CLASP1: variants seen among roughly 807,000 people sequenced by gnomAD.
CLASP1 encodes the protein CLIP-associating protein 1.
Under a neutral mutation model 192.3 loss-of-function variants are expected in CLASP1, and 38 were observed. That is an observed-to-expected ratio of 0.20 (90% CI 0.15 to 0.26). The LOEUF is 0.26. Among genes scored for constraint, CLASP1 ranks in the 10% least tolerant of loss-of-function variants. The pLI is 1.00. For synonymous variants in CLASP1, 691 were observed against 712.8 expected, an observed-to-expected ratio of 0.97 and a Z score of 0.49; for missense variants, 1,433 against 1,932.5, an observed-to-expected ratio of 0.74 and a Z score of 4.85.
intron 26 of CLASP1, among the ~76,000 whole-genome samples, chr2:121,402,877 CTG>C (rs1317789137): frequency 2.6e-5 from 4 of 152,162 alleles, no homozygotes; most frequent in Admixed American, 1.3e-4. Context: ...GAGTCTCACT[CTG>C]TTGTTCAGGC....
At position 121,349,007 on chromosome 2, in the gene CLASP1, G is replaced by A. The variant is rs139989161; in HGVS notation, c.4207-289C>T. Among the ~76,000 whole-genome samples the A allele has an allele frequency of 1.3e-3, 198 of 152,222 alleles. 2 individuals are homozygous for A. The highest frequency in any genetic ancestry group is 4.5e-3 in the African/African-American group (186 of 41,530). ...TGTAATCCCAGAACTTTGGGAGGCC[G>A]AGGTGGGCGGATCACGAGGTCAGGA... On this transcript the variant is annotated intron_variant, in intron 37 of 39. Transcript: ENST00000263710.
At chr2:121,638,058 A>G (rs2071238717) in intron 1 of CLASP1, among the ~76,000 whole-genome samples, 1 of 152,174 alleles carries the variant, frequency 6.6e-6, no homozygotes, top group Non-Finnish European at 1.5e-5. Context: ...TGCAAATCAT[A>G]TATCTGACAA....
chr2:121,456,976 C>A (rs951435063), intron 14 of CLASP1, among the ~76,000 whole-genome samples: 1 of 152,190 alleles, frequency 6.6e-6, no homozygotes, highest in Admixed American at 6.5e-5. Context: ...ACATTTACGA[C>A]TTGCTGGAAA....
At chr2:121,549,723 A>C (rs74999194) in intron 2 of CLASP1, among the ~76,000 whole-genome samples, 1 of 150,970 alleles carries the variant, frequency 6.6e-6, no homozygotes, top group Admixed American at 6.6e-5. Flanking sequence ...AAAAAAAAAA[A>C]GGCCTGGCGT....
At chr2:121,428,635 C>T (rs371295768) in intron 20 of CLASP1, among the ~76,000 whole-genome samples, 3 of 152,192 alleles carry the variant, frequency 2.0e-5, no homozygotes, top group East Asian at 3.9e-4. Context: ...TTAAGTTCTA[C>T]ACTAAGGAGG....
chr2:121,559,941 T>G (rs2058932743), intron 2 of CLASP1, among the ~76,000 whole-genome samples: 1 of 152,114 alleles, frequency 6.6e-6, no homozygotes, highest in Non-Finnish European at 1.5e-5. Flanking sequence ...TATCCTGGAC[T>G]GGATCCAAGA....
chr2:121,516,694 T>C (rs1260711428), intron 6 of CLASP1, among the ~76,000 whole-genome samples: 1 of 152,260 alleles, frequency 6.6e-6, no homozygotes, highest in Non-Finnish European at 1.5e-5. Flanking sequence ...AATATCTTTG[T>C]TATTAAATGA....
intron 19 of CLASP1, among the ~76,000 whole-genome samples, chr2:121,446,894 G>A (rs916798835): frequency 3.3e-5 from 5 of 152,066 alleles, no homozygotes; most frequent in African/African-American, 1.2e-4. Context: ...GATTATCCCT[G>A]CCAGCTCTGG....
chr2:121,633,028 A>ATATATATATATATATATATATG (rs71398039), intron 1 of CLASP1, among the ~76,000 whole-genome samples: 1,470 of 137,134 alleles, frequency 0.011, 59 homozygotes, highest in African/African-American at 0.022. Context: ...ATATATATAT[A>ATATATATATATATATATATATG]GGCTTTTTTT....
intron 2 of CLASP1, among the ~76,000 whole-genome samples, chr2:121,564,903 T>C (rs1254082682): frequency 6.6e-6 from 1 of 152,168 alleles, no homozygotes; most frequent in Non-Finnish European, 1.5e-5. Flanking sequence ...GTGGCAGCTA[T>C]GGGGCAAGAA....
chr2:121,582,169 A>G (rs898381407), intron 2 of CLASP1, among the ~76,000 whole-genome samples: 7 of 151,986 alleles, frequency 4.6e-5, no homozygotes, highest in East Asian at 1.9e-4. Flanking sequence ...AAGAAAGAAG[A>G]AAGGAAGGAA....
At chr2:121,363,225 C>A in exon 37 of CLASP1, 1 of 1,613,884 alleles carries the variant, frequency 6.2e-7, no homozygotes, top group African/African-American at 1.3e-5. Flanking sequence ...GTCAGCTCGG[C>A]GTAGTTTTTA....
intron 8 of CLASP1, among the ~76,000 whole-genome samples, chr2:121,490,904 C>G (rs1379467725): frequency 6.6e-6 from 1 of 152,212 alleles, no homozygotes; most frequent in Admixed American, 6.5e-5. Flanking sequence ...AGAATTGGCA[C>G]CTGATCCACT....
At chr2:121,574,446 C>A (rs975347115) in intron 2 of CLASP1, among the ~76,000 whole-genome samples, 2 of 151,834 alleles carry the variant, frequency 1.3e-5, no homozygotes, top group African/African-American at 4.8e-5. Flanking sequence ...ACCAGCCTGG[C>A]CAACGTGGTG....
chr2:121,539,011 T>G (rs1213968232), intron 2 of CLASP1, among the ~76,000 whole-genome samples: 1 of 152,208 alleles, frequency 6.6e-6, no homozygotes, highest in East Asian at 1.9e-4. Flanking sequence ...TTTTAAAATT[T>G]TTTTAAGATA....
chr2:121,459,265 C>G (rs2087363723), intron 12 of CLASP1, among the ~76,000 whole-genome samples: 1 of 152,044 alleles, frequency 6.6e-6, no homozygotes, highest in Non-Finnish European at 1.5e-5. Context: ...TGGGCTCAAT[C>G]AATCCTCCCA....
intron 37 of CLASP1, among the ~76,000 whole-genome samples, chr2:121,351,486 A>G (rs2064393837): frequency 6.6e-6 from 1 of 152,226 alleles, no homozygotes; most frequent in Non-Finnish European, 1.5e-5. Flanking sequence ...CTGAGAATTA[A>G]TTCTCCTAGC....
chr2:121,387,783 T>A, exon 31 of CLASP1: 1 of 1,613,944 alleles, frequency 6.2e-7, no homozygotes, highest in Non-Finnish European at 8.5e-7. Flanking sequence ...TTACTGGAAT[T>A]CTTGAGGTGG....
At chr2:121,522,146 G>A (rs2094473327) in intron 6 of CLASP1, among the ~76,000 whole-genome samples, 1 of 152,140 alleles carries the variant, frequency 6.6e-6, no homozygotes, top group African/African-American at 2.4e-5. Flanking sequence ...GCGCGCACGT[G>A]TGCAAATATA....
Sources: gnomAD v4.1 joint callset for allele counts (sites outside exome capture counted in the v4.1 genomes callset) on GRCh38, gnomAD v4.1.1 for gene constraint, MANE v1.5 for transcripts, NCBI Gene and HGNC (gene_info 2026-07-23, HGNC 2026-07-21) for gene names.